Variants in ILRUN observed in about 807,000 individuals in gnomAD.
The protein encoded by ILRUN is inflammation and lipid regulator with UBA-like and NBR1-like domains, also known as protein ILRUN.
Under a neutral mutation model 33.8 loss-of-function variants are expected in ILRUN, and 3 were observed. The observed-to-expected ratio is 0.09, with a 90% CI of 0.04 to 0.23. ILRUN has a LOEUF of 0.23. ILRUN is among the 10% of genes least tolerant of loss of function. The pLI, the probability that ILRUN is intolerant of heterozygous loss-of-function variation, is 1.00. For synonymous variants in ILRUN, 124 were observed against 138.9 expected, an observed-to-expected ratio of 0.89 and a Z score of 0.75; for missense variants, 210 against 375.1, an observed-to-expected ratio of 0.56 and a Z score of 3.64.
intron 2 of ILRUN, among the ~76,000 whole-genome samples, chr6:34,652,369 G>A (rs539469612): frequency 6.6e-6 from 1 of 152,212 alleles, no homozygotes; most frequent in South Asian, 2.1e-4. Context: ...AAAGGAAAGG[G>A]GGCGAATGAA....
At chr6:34,621,713 TTAG>T (rs1762016364) in intron 3 of ILRUN, among the ~76,000 whole-genome samples, 1 of 151,822 alleles carries the variant, frequency 6.6e-6, no homozygotes, top group South Asian at 2.1e-4. Context: ...ATACAAAAAA[TTAG>T]CCAGGCATGG....
intron 1 of ILRUN, among the ~76,000 whole-genome samples, chr6:34,667,182 A>G (rs1763023907): frequency 6.6e-6 from 1 of 152,228 alleles, no homozygotes; most frequent in South Asian, 2.1e-4. Flanking sequence ...ACACATCCCC[A>G]AATAATGTAA....
chr6:34,595,881 T>C (rs151294999), intron 4 of ILRUN: 36 of 985,490 alleles, frequency 3.7e-5, no homozygotes, highest in South Asian at 4.7e-5. Flanking sequence ...CTCCTCTTCC[T>C]CATTTCCTGG....
rs191288788 is a variant in ILRUN, at chr6:34,594,228, A to G, written c.862-3628T>C. Among the ~76,000 whole-genome samples the G allele has an allele frequency of 1.0e-3, 158 of 152,316 alleles. 1 individual carries two copies. The highest frequency in any genetic ancestry group is 3.5e-3 in the African/African-American group (146 of 41,566). Reference sequence around the variant, plus strand: ...CACTACTAATAAGGAAAACAGATAAAGGGGCATATGCATTAGATGGTACCA... The same window carrying G: ...CACTACTAATAAGGAAAACAGATAAGGGGGCATATGCATTAGATGGTACCA... On this transcript the variant is annotated intron_variant, in intron 4 of 4. Coordinates refer to ENST00000374023, the MANE Select transcript of ILRUN (RefSeq NM_024294.4).
At chr6:34,649,331 C>T (rs554439933) in intron 2 of ILRUN, among the ~76,000 whole-genome samples, 126 of 152,262 alleles carry the variant, frequency 8.3e-4, no homozygotes, top group African/African-American at 2.8e-3. Flanking sequence ...ACTAAACATA[C>T]CTGAAATCTG....
At chr6:34,659,078 C>T (rs1762837241) in intron 1 of ILRUN, among the ~76,000 whole-genome samples, 2 of 152,372 alleles carry the variant, frequency 1.3e-5, no homozygotes, top group African/African-American at 4.8e-5. Context: ...CAGCAAATTG[C>T]AAGACAGGCA....
chr6:34,675,406 G>A (rs2127380334), intron 1 of ILRUN, among the ~76,000 whole-genome samples: 1 of 152,116 alleles, frequency 6.6e-6, no homozygotes, highest in Non-Finnish European at 1.5e-5. Context: ...TTCAATAAAT[G>A]GGAAAACTGA....
At chr6:34,677,823 C>T (rs1484164393) in intron 1 of ILRUN, among the ~76,000 whole-genome samples, 2 of 151,708 alleles carry the variant, frequency 1.3e-5, no homozygotes, top group East Asian at 3.9e-4. Context: ...GTGGCACGTG[C>T]CTTTAATCCC....
intron 1 of ILRUN, among the ~76,000 whole-genome samples, chr6:34,673,178 T>C (rs1763151943): frequency 6.6e-6 from 1 of 152,082 alleles, no homozygotes; most frequent in Non-Finnish European, 1.5e-5. Context: ...AGTTTCAAAT[T>C]TTATCTCTCT....
At chr6:34,633,645 G>GT (rs1762290862) in intron 3 of ILRUN, among the ~76,000 whole-genome samples, 6 of 151,016 alleles carry the variant, frequency 4.0e-5, no homozygotes, top group Admixed American at 4.0e-4. Flanking sequence ...GAAGCCAGTA[G>GT]TTTGAGACCA....
At chr6:34,638,783 C>T (rs907106788) in intron 3 of ILRUN, among the ~76,000 whole-genome samples, 1 of 151,960 alleles carries the variant, frequency 6.6e-6, no homozygotes, top group Non-Finnish European at 1.5e-5. Flanking sequence ...ATTCTAGAGA[C>T]CAGAACTGAA....
At chr6:34,686,304 T>C (rs1431390331) in intron 1 of ILRUN, among the ~76,000 whole-genome samples, 1 of 148,280 alleles carries the variant, frequency 6.7e-6, no homozygotes, top group East Asian at 2.0e-4. Flanking sequence ...ATCGAGACCA[T>C]CCTGGCTAAC....
At chr6:34,603,589 G>A (rs1283963058) in intron 4 of ILRUN, among the ~76,000 whole-genome samples, 1 of 152,074 alleles carries the variant, frequency 6.6e-6, no homozygotes, top group Non-Finnish European at 1.5e-5. Context: ...AGCTGTGATT[G>A]TGCCACTGCA....
intron 1 of ILRUN, among the ~76,000 whole-genome samples, chr6:34,660,393 T>C (rs1193054454): frequency 1.3e-5 from 2 of 152,050 alleles, no homozygotes; most frequent in Non-Finnish European, 2.9e-5. Flanking sequence ...ACCTTTTCTT[T>C]CCATTCTCTG....
In ILRUN at chr6:34,646,528, G is replaced by C; in HGVS notation, c.511+73C>G. The C allele has an allele frequency of 1.4e-6, 2 of 1,463,588 alleles. No individual in the cohort carries two copies. Among genetic ancestry groups the C allele is most frequent in the South Asian group, 2.4e-5 (2 of 84,284 alleles). The allele number at this position is 1,463,588 out of a possible 1,614,324, so 90.7% of individuals were successfully genotyped here. A position where few individuals can be genotyped will look rare whatever the true frequency, so the allele number is the denominator to read the frequency against. On this transcript the variant is annotated intron_variant, in intron 3 of 4. Coordinates refer to ENST00000374023, the MANE Select transcript of ILRUN (RefSeq NM_024294.4). This position sits in a 1 kb window ranked among gnomAD's most constrained non-coding sequence, Gnocchi z 4.9. ...CCTGTTATGCAATTTGACAGGCTCT[G>C]TGAGCAACACTGGGGATGTTATAAG...
intron 1 of ILRUN, among the ~76,000 whole-genome samples, chr6:34,683,167 T>A (rs1259360972): frequency 1.3e-5 from 2 of 151,338 alleles, no homozygotes; most frequent in Non-Finnish European, 2.9e-5. Context: ...CGTGTGTTTA[T>A]GTGTATTTGT....
intron 3 of ILRUN, among the ~76,000 whole-genome samples, chr6:34,634,295 A>C (rs1484810365): frequency 6.6e-6 from 1 of 152,060 alleles, no homozygotes; most frequent in Non-Finnish European, 1.5e-5. Flanking sequence ...AGTGTCTAAA[A>C]ATTTAAAAAA....
At chr6:34,675,910 G>T (rs1763218787) in intron 1 of ILRUN, among the ~76,000 whole-genome samples, 1 of 151,980 alleles carries the variant, frequency 6.6e-6, no homozygotes, top group South Asian at 2.1e-4. Flanking sequence ...AACCCACCAG[G>T]CCAGCAACAA....
intron 4 of ILRUN, among the ~76,000 whole-genome samples, chr6:34,597,022 C>T (rs1345139947): frequency 6.6e-6 from 1 of 152,092 alleles, no homozygotes; most frequent in African/African-American, 2.4e-5. Flanking sequence ...TCCATACATC[C>T]TCCCTGTCAA....
Sources: gnomAD v4.1 joint callset for allele counts (sites outside exome capture counted in the v4.1 genomes callset) on GRCh38, gnomAD v4.1.1 for gene constraint, Gnocchi (gnomAD v3.1) non-coding constraint, MANE v1.5 for transcripts, NCBI Gene and HGNC (gene_info 2026-07-23, HGNC 2026-07-21) for gene names.